The following KCNH8 variants were observed in gnomAD, a reference collection of about 807,000 sequenced individuals.
KCNH8 encodes voltage-gated delayed rectifier potassium channel KCNH8.
A neutral mutation model predicts 103.6 loss-of-function variants in KCNH8; 70 were observed. The ratio of observed to expected loss-of-function variants is 0.68; its 90% CI spans 0.56 to 0.82. The LOEUF (loss-of-function observed/expected upper bound fraction) is 0.82, where lower values mean the gene tolerates loss of function less well. Among genes scored for constraint, KCNH8 ranks in the 40% least tolerant of loss-of-function variants. The pLI, the probability that KCNH8 is intolerant of heterozygous loss-of-function variation, is 0.00. For missense variants in KCNH8, 1,217 were observed against 1,329.9 expected (o/e 0.92, Z 1.32); for synonymous variants, 498 against 489.4 (o/e 1.02, Z -0.23).
At chr3:19,515,469 C>T in intron 14 of KCNH8, 41 bp downstream of exon 14, 3 of 1,013,624 alleles carry the variant, frequency 3.0e-6, no homozygotes. Context: ...TAAAATATTT[C>T]TTATTAACTT....
At chr3:19,448,289 A>C (rs1215865890) in intron 8 of KCNH8, among the ~76,000 whole-genome samples, 1 of 152,010 alleles carries the variant, frequency 6.6e-6, no homozygotes, top group African/African-American at 2.4e-5. Flanking sequence ...CACAATTAGG[A>C]AGTAGCAAAA....
intron 11 of KCNH8, among the ~76,000 whole-genome samples, chr3:19,502,023 C>G (rs955505055): frequency 2.6e-5 from 4 of 151,480 alleles, no homozygotes; most frequent in Non-Finnish European, 5.9e-5. Context: ...CTAGAAAACC[C>G]CATTGTCTCA....
intron 5 of KCNH8, among the ~76,000 whole-genome samples, chr3:19,372,885 T>G (rs1022511216): frequency 6.6e-6 from 1 of 152,098 alleles, no homozygotes; most frequent in Non-Finnish European, 1.5e-5. Context: ...GGTTTTTGTC[T>G]TTGGCTCATT....
rs961706343 is a variant in KCNH8 at position 19,318,731 on chromosome 3, T to C, written c.443-23856T>C. Among the ~76,000 whole-genome samples the C allele has an allele frequency of 5.3e-5, 8 of 151,176 alleles. No homozygotes were observed. In the South Asian group the frequency reaches 1.5e-3, roughly 28 times the overall value. On this transcript the variant is annotated intron_variant, in intron 3 of 15. Transcript: ENST00000328405. ...TTATTTCTTTAAGGAGTCTCCACAC[T>C]GTTTTCCATAGTGGTTGTACTAGTT... is the stretch of plus-strand genomic sequence containing the variant.
Position 19,248,647 on chromosome 3 carries a change from T to A in KCNH8, c.77-5007T>A, listed in dbSNP as rs191973310. ...AAGTCACATAGACTGAGTTTTAATCTCCAGCATTGGATCTTAGACAGGAAA... is the reference window on the plus strand; with the variant it reads ...AAGTCACATAGACTGAGTTTTAATCACCAGCATTGGATCTTAGACAGGAAA... On this transcript the variant is annotated intron_variant, in intron 1 of 15. Transcript: ENST00000328405. Among the ~76,000 whole-genome samples, 104 of 152,350 alleles carry A rather than the reference T, an allele frequency of 6.8e-4. 1 individual carries two copies. Among genetic ancestry groups the A allele is most frequent in the African/African-American group, 2.4e-3 (99 of 41,584 alleles).
chr3:19,356,529 T>G (rs1025735703), intron 5 of KCNH8, among the ~76,000 whole-genome samples: 1 of 152,076 alleles, frequency 6.6e-6, no homozygotes, highest in African/African-American at 2.4e-5. Context: ...GGGATCAACA[T>G]GGTGCAAGGT....
At chr3:19,400,150 G>GA in intron 7 of KCNH8, among the ~76,000 whole-genome samples, 1 of 130,528 alleles carries the variant, frequency 7.7e-6, no homozygotes, top group East Asian at 2.4e-4. Flanking sequence ...TTCCATGATG[G>GA]AAAGTGGAGC....
At chr3:19,179,584 A>G (rs570999597) in intron 1 of KCNH8, among the ~76,000 whole-genome samples, 1 of 152,314 alleles carries the variant, frequency 6.6e-6, no homozygotes, top group Non-Finnish European at 1.5e-5. Context: ...AGTATTTTTG[A>G]ACAAGATCTG....
At chr3:19,315,311 A>G (rs573961665) in intron 3 of KCNH8, among the ~76,000 whole-genome samples, 3 of 152,114 alleles carry the variant, frequency 2.0e-5, no homozygotes, top group East Asian at 3.9e-4. Context: ...TCAAAAAGAC[A>G]AAGTATTAGG....
At chr3:19,151,301 A>G (rs1432271455) in intron 1 of KCNH8, among the ~76,000 whole-genome samples, 2 of 152,182 alleles carry the variant, frequency 1.3e-5, no homozygotes, top group Non-Finnish European at 2.9e-5. Flanking sequence ...TTAAATTTAC[A>G]AAATTGCCAC....
At chr3:19,314,420 A>G (rs1442618721) in intron 3 of KCNH8, among the ~76,000 whole-genome samples, 3 of 151,938 alleles carry the variant, frequency 2.0e-5, no homozygotes, top group African/African-American at 7.2e-5. Flanking sequence ...AAATTAAACA[A>G]TTAGACTGGC....
At chr3:19,200,889 T>A (rs535756823) in intron 1 of KCNH8, among the ~76,000 whole-genome samples, 103 of 151,958 alleles carry the variant, frequency 6.8e-4, no homozygotes, top group African/African-American at 2.4e-3. Context: ...ATTGGGATAT[T>A]TTGAAGTATG....
intron 3 of KCNH8, among the ~76,000 whole-genome samples, chr3:19,311,609 A>G (rs557642201): frequency 2.6e-5 from 4 of 151,782 alleles, no homozygotes; most frequent in East Asian, 3.9e-4. Flanking sequence ...GGGATCCACT[A>G]TTTCCTCACG....
chr3:19,437,343 A>G (rs1364145685), intron 7 of KCNH8, among the ~76,000 whole-genome samples: 2 of 152,212 alleles, frequency 1.3e-5, no homozygotes, highest in African/African-American at 4.8e-5. Context: ...AGATAATATT[A>G]TTAAGCTTAT....
At chr3:19,230,269 G>C (rs1007177419) in intron 1 of KCNH8, among the ~76,000 whole-genome samples, 4 of 152,182 alleles carry the variant, frequency 2.6e-5, no homozygotes, top group Non-Finnish European at 4.4e-5. Flanking sequence ...ATGTTAAGCA[G>C]AAAGAACTTG....
At chr3:19,502,050 A>T (rs1211480439) in intron 11 of KCNH8, among the ~76,000 whole-genome samples, 2 of 150,516 alleles carry the variant, frequency 1.3e-5, no homozygotes, top group Non-Finnish European at 3.0e-5. Flanking sequence ...AATCTCCTTA[A>T]GCTGATAAGC....
chr3:19,268,385 C>T (rs189990323), intron 2 of KCNH8, among the ~76,000 whole-genome samples: 353 of 152,070 alleles, frequency 2.3e-3, no homozygotes, highest in Non-Finnish European at 8.4e-4. Flanking sequence ...AAGAGAGCCA[C>T]GTATGCAAAG....
At chr3:19,233,046 A>C in intron 1 of KCNH8, among the ~76,000 whole-genome samples, 1 of 148,302 alleles carries the variant, frequency 6.7e-6, no homozygotes, top group Non-Finnish European at 1.5e-5. Flanking sequence ...CTACACCTCA[A>C]TGTCTTGATA....
chr3:19,295,873 T>G (rs549409824), intron 3 of KCNH8, among the ~76,000 whole-genome samples: 27 of 152,250 alleles, frequency 1.8e-4, no homozygotes, highest in African/African-American at 6.5e-4. Flanking sequence ...TGGGAAACAC[T>G]AAGTACCCTG....
Sources: gnomAD v4.1 joint callset for allele counts (sites outside exome capture counted in the v4.1 genomes callset) on GRCh38, gnomAD v4.1.1 for gene constraint, MANE v1.5 for transcripts, NCBI Gene and HGNC (gene_info 2026-07-23, HGNC 2026-07-21) for gene names.